The following VWA2 variants were observed in gnomAD, a reference collection of about 807,000 sequenced individuals.
VWA2 encodes the protein von Willebrand factor A domain containing 2, also known as von Willebrand factor A domain-containing protein 2.
A neutral mutation model predicts 70.4 loss-of-function variants in VWA2; 73 were observed. The observed-to-expected ratio is 1.04, with a 90% CI of 0.86 to 1.26. The LOEUF is 1.26. Among genes scored for constraint, VWA2 ranks in the 50% most tolerant of loss-of-function variants. The pLI is 0.00. For missense variants in VWA2, 1,011 were observed against 998.5 expected (o/e 1.01, Z -0.17); for synonymous variants, 407 against 423.3 (o/e 0.96, Z 0.47).
At chr10:114,287,456 C>T (rs1215420273) in intron 11 of VWA2, among the ~76,000 whole-genome samples, 1 of 152,190 alleles carries the variant, frequency 6.6e-6, no homozygotes, top group Non-Finnish European at 1.5e-5. Context: ...GGAGGGATTA[C>T]AGGCTTGAGT....
intron 5 of VWA2, among the ~76,000 whole-genome samples, chr10:114,263,398 A>G (rs987961594): frequency 7.5e-6 from 1 of 133,616 alleles, no homozygotes; most frequent in Non-Finnish European, 1.5e-5. Flanking sequence ...GTGCAGTGGC[A>G]CGATCTCTGC....
chr10:114,262,185 C>T (rs1041052912), intron 5 of VWA2, among the ~76,000 whole-genome samples: 4 of 151,950 alleles, frequency 2.6e-5, no homozygotes, highest in South Asian at 2.1e-4. Context: ...ATATCGCCCT[C>T]TAAATATATA....
intron 5 of VWA2, among the ~76,000 whole-genome samples, chr10:114,272,510 A>G (rs2037732404): frequency 6.6e-6 from 1 of 152,242 alleles, no homozygotes; most frequent in Non-Finnish European, 1.5e-5. Flanking sequence ...CAATGACATT[A>G]TGATAGAATA....
At chr10:114,256,122 A>G (rs577680694) in intron 4 of VWA2, among the ~76,000 whole-genome samples, 1 of 152,272 alleles carries the variant, frequency 6.6e-6, no homozygotes, top group Non-Finnish European at 1.5e-5. Context: ...TTTATTCTAC[A>G]GTACACATGC....
chr10:114,277,240 G>A (rs1350318159), intron 6 of VWA2, among the ~76,000 whole-genome samples: 2 of 127,258 alleles, frequency 1.6e-5, no homozygotes, highest in Non-Finnish European at 3.1e-5. Context: ...CTGGATTGCA[G>A]TGGCACAATC....
At position 114,261,281 on chromosome 10, in the gene VWA2, G is replaced by A. The variant is rs762498358; in HGVS notation, c.357G>A (p.Lys119=). 5.6e-6 allele frequency: 9 copies of A among 1,614,052 alleles called. No individual in the cohort carries two copies. Among genetic ancestry groups the A allele is most frequent in the East Asian group, 4.5e-5 (2 of 44,888 alleles). ...AACAGGAAGTGAAGGCAAGAATCAA[G>A]AGGATGGTTTTCAAGTATGTATGAT... The part of the protein sequence containing the change: ...STQQEVKARI[K]RMVFKGGRTE... Residue 119 remains lysine, a synonymous_variant, in exon 5 of 14, where the codon AAG becomes AAA. Transcript: ENST00000392982.
chr10:114,287,320 A>G (rs1226931325), intron 11 of VWA2, among the ~76,000 whole-genome samples: 3 of 152,200 alleles, frequency 2.0e-5, no homozygotes, highest in Non-Finnish European at 4.4e-5. Flanking sequence ...AGCCAGGACT[A>G]CAGGTGCACA....
At chr10:114,264,908 C>T (rs1181476814) in intron 5 of VWA2, among the ~76,000 whole-genome samples, 5 of 151,592 alleles carry the variant, frequency 3.3e-5, no homozygotes, top group South Asian at 2.1e-4. Flanking sequence ...TTAGTAGAGA[C>T]GGGGTTTTGC....
intron 4 of VWA2, among the ~76,000 whole-genome samples, chr10:114,256,666 T>G (rs913324247): frequency 2.0e-5 from 3 of 152,160 alleles, no homozygotes; most frequent in Non-Finnish European, 4.4e-5. Context: ...ATCCCAGTAC[T>G]TAGGGAGGCC....
At chr10:114,243,578 A>T (rs1299237981) in intron 1 of VWA2, among the ~76,000 whole-genome samples, 1 of 152,048 alleles carries the variant, frequency 6.6e-6, no homozygotes, top group Non-Finnish European at 1.5e-5. Context: ...GATTTGGAGG[A>T]GGCTGCCAAC....
At chr10:114,280,111 A>G (rs1373235580) in intron 8 of VWA2, among the ~76,000 whole-genome samples, 1 of 152,180 alleles carries the variant, frequency 6.6e-6, no homozygotes, top group Non-Finnish European at 1.5e-5. Context: ...TGTGATAATA[A>G]TCATACCTGC....
chr10:114,290,027 G>A, intron 12 of VWA2: 1 of 484,644 alleles, frequency 2.1e-6, no homozygotes, highest in Admixed American at 3.7e-5. Context: ...CATGTGTATG[G>A]CACGTCTGAG....
intron 5 of VWA2, among the ~76,000 whole-genome samples, chr10:114,263,485 C>T (rs1564720672): frequency 6.6e-6 from 1 of 151,796 alleles, no homozygotes; most frequent in African/African-American, 2.4e-5. Context: ...TACAGGAGCC[C>T]GCCACCACGC....
At chr10:114,282,350 A>G (rs2038246164) in intron 8 of VWA2, among the ~76,000 whole-genome samples, 166 bp from the exon 9 acceptor site, 1 of 152,142 alleles carries the variant, frequency 6.6e-6, no homozygotes. Flanking sequence ...TCCCTACTCT[A>G]TGTGCAGAGA....
At chr10:114,247,352 G>A (rs1017471595) in intron 1 of VWA2, among the ~76,000 whole-genome samples, 1 of 152,106 alleles carries the variant, frequency 6.6e-6, no homozygotes, top group Admixed American at 6.5e-5. Flanking sequence ...AGGAACACAT[G>A]CTCTACCTCC....
intron 5 of VWA2, among the ~76,000 whole-genome samples, chr10:114,261,891 A>G (rs1271419952): frequency 6.6e-6 from 1 of 152,202 alleles, no homozygotes; most frequent in African/African-American, 2.4e-5. Flanking sequence ...GCATAATGCC[A>G]ACATCTGCTC....
chr10:114,259,462 C>T (rs1415740832), intron 4 of VWA2, among the ~76,000 whole-genome samples: 1 of 151,324 alleles, frequency 6.6e-6, no homozygotes. Context: ...TGTTTCGTCC[C>T]ACAGAAGTTG....
chr10:114,246,530 T>TAAAAAAAAAA (rs2037076600), intron 1 of VWA2: 1 of 592,932 alleles, frequency 1.7e-6, no homozygotes, highest in African/African-American at 2.5e-5. Flanking sequence ...AAAAAACGAG[T>TAAAAAAAAAA]ATCATGGGTT....
intron 2 of VWA2, among the ~76,000 whole-genome samples, chr10:114,249,125 G>C (rs1289815675): frequency 1.3e-5 from 2 of 152,002 alleles, no homozygotes; most frequent in Non-Finnish European, 2.9e-5. Flanking sequence ...CCATCACTTA[G>C]GTATTGAGCC....
Sources: gnomAD v4.1 joint callset for allele counts (sites outside exome capture counted in the v4.1 genomes callset) on GRCh38, gnomAD v4.1.1 for gene constraint, MANE v1.5 for transcripts, NCBI Gene and HGNC (gene_info 2026-07-23, HGNC 2026-07-21) for gene names.